Variants in MPPE1 observed in about 807,000 individuals in gnomAD.
The protein encoded by MPPE1 is metallophosphoesterase 1.
Under a neutral mutation model 43.8 loss-of-function variants are expected in MPPE1, and 28 were observed. The observed-to-expected ratio is 0.64, with a 90% confidence interval of 0.47 to 0.88. The LOEUF is 0.88. Ranked by LOEUF, MPPE1 falls within the 40% of genes least tolerant of loss-of-function variation. MPPE1 has a pLI of 0.00. For missense variants in MPPE1, 428 were observed against 492.2 expected (o/e 0.87, Z 1.23); for synonymous variants, 159 against 188.5 (o/e 0.84, Z 1.28).
chr18:11,897,371 A>ACAT lies in MPPE1; in HGVS notation c.-92-16_-92-15insATG. ...TAGCTGGGCACCTACGGGAAAAGGA[A>ACAT]AAGAATTCAGTTATGTTCCCTAATA... On this transcript the variant is annotated splice_polypyrimidine_tract_variant and intron_variant, in intron 2 of 10. Coordinates refer to ENST00000588072, the MANE Select transcript of MPPE1 (RefSeq NM_023075.6). The ACAT allele has an allele frequency of 9.2e-7, 1 of 1,084,500 alleles. No homozygotes were observed. The highest frequency in any genetic ancestry group is 1.3e-6 in the Non-Finnish European group (1 of 743,840). The allele number at this position is 1,084,500 out of a possible 1,614,324, so 67.2% of individuals were successfully genotyped here. A position where few individuals can be genotyped will look rare whatever the true frequency, so the allele number is the denominator to read the frequency against.
intron 3 of MPPE1, among the ~76,000 whole-genome samples, chr18:11,895,780 G>T (rs1225001810): frequency 6.6e-6 from 1 of 152,070 alleles, no homozygotes; most frequent in Non-Finnish European, 1.5e-5. Context: ...GCCCAGGCTG[G>T]TCTCAAATTC....
intron 2 of MPPE1, chr18:11,902,522 C>G (rs2039309234): frequency 6.6e-6 from 1 of 152,216 alleles, no homozygotes. Context: ...ATAGCTGAAA[C>G]TTTCTAACAC....
At chr18:11,900,342 G>A (rs973240174) in intron 2 of MPPE1, among the ~76,000 whole-genome samples, 4 of 151,584 alleles carry the variant, frequency 2.6e-5, no homozygotes, top group South Asian at 2.1e-4. Context: ...GAAAGACTCC[G>A]TCTCAAAAAA....
intron 4 of MPPE1, among the ~76,000 whole-genome samples, chr18:11,890,151 C>T (rs2037828966): frequency 6.6e-6 from 1 of 151,684 alleles, no homozygotes; most frequent in South Asian, 2.1e-4. Flanking sequence ...ACTGTGTTAG[C>T]CAGGATGGTC....
At chr18:11,890,904 C>CA (rs2037921684) in intron 4 of MPPE1, among the ~76,000 whole-genome samples, 1 of 151,960 alleles carries the variant, frequency 6.6e-6, no homozygotes, top group South Asian at 2.1e-4. Flanking sequence ...GAAAGAAAGA[C>CA]AAAAAATACT....
chr18:11,885,462 C>G, intron 10 of MPPE1: 1 of 589,342 alleles, frequency 1.7e-6, no homozygotes, highest in Non-Finnish European at 3.0e-6. Context: ...GTGCCCTGCC[C>G]TCGCTTCTCA....
At chr18:11,900,343 T>C (rs1398620589) in intron 2 of MPPE1, among the ~76,000 whole-genome samples, 1 of 151,324 alleles carries the variant, frequency 6.6e-6, no homozygotes, top group Non-Finnish European at 1.5e-5. Context: ...AAAGACTCCG[T>C]CTCAAAAAAA....
intron 2 of MPPE1, among the ~76,000 whole-genome samples, chr18:11,903,578 G>T (rs1220295602): frequency 1.3e-5 from 2 of 151,998 alleles, no homozygotes; most frequent in Non-Finnish European, 2.9e-5. Context: ...AGGCCGAGGC[G>T]GGCGGATCAC....
Position 11,897,348 on chromosome 18 carries a change from G to A in MPPE1, c.-84C>T. ...GGAGGGTGATGGCATTCAGGTCTTA[G>A]CTGGGCACCTACGGGAAAAGGAAAA... On this transcript the variant is annotated 5_prime_UTR_variant, in exon 3 of 11. Transcript: ENST00000588072. 1 of 1,119,454 alleles carries A rather than the reference G, an allele frequency of 8.9e-7. No individual in the cohort carries two copies. Among genetic ancestry groups the A allele is most frequent in the East Asian group, 2.4e-5 (1 of 42,460 alleles). The allele number at this position is 1,119,454 out of a possible 1,614,324, so 69.3% of individuals were successfully genotyped here. A position where few individuals can be genotyped will look rare whatever the true frequency, so the allele number is the denominator to read the frequency against.
intron 6 of MPPE1, among the ~76,000 whole-genome samples, 178 bp from the exon 7 acceptor site, chr18:11,887,203 A>T (rs186636013): frequency 6.6e-6 from 1 of 152,246 alleles, no homozygotes; most frequent in South Asian, 2.1e-4. Flanking sequence ...TAACAAAAAT[A>T]GCATTACTGG....
chr18:11,884,671 C>G (rs643652), intron 10 of MPPE1, 44 bp from the exon 11 acceptor site: 894,395 of 1,582,632 alleles, frequency 0.57, 257,439 homozygotes, highest in East Asian at 0.88. Context: ...ACCAGGCACA[C>G]GTTGAACACC....
rs2037452290 is a variant in MPPE1 at position 11,887,396 on chromosome 18, G to A, written c.570-371C>T. On this transcript the variant is annotated intron_variant, in intron 6 of 10. Transcript: ENST00000588072. Reference sequence around the variant, plus strand: ...GCCCACCCCATCAGCTGGTTGTGAGGATTCAATGAAATGACATGGCAGGTG... The same window carrying A: ...GCCCACCCCATCAGCTGGTTGTGAGAATTCAATGAAATGACATGGCAGGTG... Among the ~76,000 whole-genome samples, 9 of 152,258 alleles carry A rather than the reference G, an allele frequency of 5.9e-5. No homozygotes were observed. The South Asian group carries it at 1.9e-3, about 32-fold the overall frequency.
chr18:11,887,061 G>C, intron 6 of MPPE1, 36 bp from the exon 7 acceptor site: 2 of 1,478,156 alleles, frequency 1.4e-6, no homozygotes, highest in Non-Finnish European at 1.9e-6. Context: ...GGCCGCTGGG[G>C]GTATCAGTGC....
At chr18:11,899,665 G>A (rs2038942482) in intron 2 of MPPE1, among the ~76,000 whole-genome samples, 1 of 152,152 alleles carries the variant, frequency 6.6e-6, no homozygotes, top group Non-Finnish European at 1.5e-5. Context: ...GAGGGTATAG[G>A]GAGTTCAGAT....
At chr18:11,894,929 ATAG>A (rs1225415774) in intron 3 of MPPE1, among the ~76,000 whole-genome samples, 2 of 152,120 alleles carry the variant, frequency 1.3e-5, no homozygotes, top group Non-Finnish European at 2.9e-5. Flanking sequence ...CTTGCACAGG[ATAG>A]TTACAGGGTT....
chr18:11,890,087 C>T lies in MPPE1; in HGVS notation c.391-597G>A, dbSNP rs189542691. ...CCTCCTGAGTAGCTGGAACTACAGG[C>T]GCCCGCCACCACGCCCGACTAATTT... On this transcript the variant is annotated intron_variant, in intron 4 of 10. Coordinates refer to ENST00000588072, the MANE Select transcript of MPPE1 (RefSeq NM_023075.6). Among the ~76,000 whole-genome samples, 645 of 151,734 alleles carry T rather than the reference C, an allele frequency of 4.3e-3. 6 individuals are homozygous for T. Among genetic ancestry groups the T allele is most frequent in the Admixed American group, 0.012 (185 of 15,218 alleles).
chr18:11,901,297 C>CT (rs1368471232), intron 2 of MPPE1, among the ~76,000 whole-genome samples: 1 of 151,864 alleles, frequency 6.6e-6, no homozygotes, highest in Non-Finnish European at 1.5e-5. Context: ...GTGGTGTGCT[C>CT]TCAGCTCACT....
At chr18:11,891,449 TG>T (rs2037990717) in intron 4 of MPPE1, 1 of 152,110 alleles carries the variant, frequency 6.6e-6, no homozygotes, top group South Asian at 2.1e-4. Flanking sequence ...ACTCCAGACT[TG>T]GTGACAGAGC....
At chr18:11,900,775 CAG>C (rs2039094353) in intron 2 of MPPE1, among the ~76,000 whole-genome samples, 1 of 151,798 alleles carries the variant, frequency 6.6e-6, no homozygotes. Context: ...GGCGTGGTGG[CAG>C]ACGCCTGTAG....
Sources: gnomAD v4.1 joint callset for allele counts (sites outside exome capture counted in the v4.1 genomes callset) on GRCh38, gnomAD v4.1.1 for gene constraint, MANE v1.5 for transcripts, NCBI Gene and HGNC (gene_info 2026-07-23, HGNC 2026-07-21) for gene names.